MAN2A1: variants seen among roughly 807,000 people sequenced by gnomAD.
The protein encoded by MAN2A1 is alpha-mannosidase 2.
In MAN2A1, 76 loss-of-function variants were observed where a neutral mutation model predicts 142.6. The observed-to-expected ratio is 0.53, with a 90% CI of 0.44 to 0.65. The LOEUF (loss-of-function observed/expected upper bound fraction) is 0.65, where lower values mean the gene tolerates loss of function less well. Among genes scored for constraint, MAN2A1 ranks in the 30% least tolerant of loss-of-function variants. MAN2A1 has a pLI of 0.00. For synonymous variants in MAN2A1, 559 were observed against 473.2 expected, an observed-to-expected ratio of 1.18 and a Z score of -2.35; for missense variants, 1,311 against 1,365.1, an observed-to-expected ratio of 0.96 and a Z score of 0.62.
At position 109,847,821 on chromosome 5, in the gene MAN2A1, T is replaced by C. The variant is rs372804127; in HGVS notation, c.2976+31T>C. ...AAAAAATAACTAGCATGATCTGATA[T>C]TGATTGTTCTTTGTCACCCAAAACT... is the stretch of plus-strand genomic sequence containing the variant. On this transcript the variant is annotated intron_variant, in intron 19 of 21. Transcript: ENST00000261483. The C allele has an allele frequency of 3.0e-5, 43 of 1,414,216 alleles. No individual in the cohort carries two copies. The East Asian group carries it at 5.6e-4, about 18-fold the overall frequency. The allele number at this position is 1,414,216 out of a possible 1,614,324, so 87.6% of individuals were successfully genotyped here.
At chr5:109,698,741 G>A (rs1300594368) in intron 1 of MAN2A1, among the ~76,000 whole-genome samples, 6 of 152,254 alleles carry the variant, frequency 3.9e-5, no homozygotes, top group East Asian at 3.9e-4. Flanking sequence ...TGAGGAGTCC[G>A]GAGAGCTGGG....
intron 9 of MAN2A1, among the ~76,000 whole-genome samples, chr5:109,782,437 G>T (rs1582892123): frequency 6.6e-6 from 1 of 152,148 alleles, no homozygotes; most frequent in East Asian, 1.9e-4. Context: ...ATATTGGAGA[G>T]CATGGTCCTA....
At chr5:109,845,582 C>T (rs966969889) in intron 17 of MAN2A1, among the ~76,000 whole-genome samples, 3 of 152,078 alleles carry the variant, frequency 2.0e-5, no homozygotes, top group African/African-American at 7.2e-5. Flanking sequence ...TATTGGAGAG[C>T]TAGAAGACTT....
intron 16 of MAN2A1, chr5:109,840,425 C>T: frequency 2.2e-6 from 1 of 444,778 alleles, no homozygotes; most frequent in South Asian, 1.8e-5. Flanking sequence ...TGCATTTCTA[C>T]CAGGTTTCTG....
intron 4 of MAN2A1, among the ~76,000 whole-genome samples, chr5:109,741,184 G>T (rs951604250): frequency 3.9e-5 from 6 of 152,018 alleles, no homozygotes; most frequent in African/African-American, 1.4e-4. Flanking sequence ...GTATCATTTT[G>T]CTTGAAGGAA....
At chr5:109,725,975 ACT>A (rs754154741) in intron 3 of MAN2A1, among the ~76,000 whole-genome samples, 1 of 151,804 alleles carries the variant, frequency 6.6e-6, no homozygotes, top group African/African-American at 2.4e-5. Context: ...GTAATTATGC[ACT>A]CTTTGTTTTA....
chr5:109,852,038 G>A (rs527382172), intron 19 of MAN2A1, among the ~76,000 whole-genome samples: 20 of 151,482 alleles, frequency 1.3e-4, no homozygotes, highest in Admixed American at 1.1e-3. Flanking sequence ...CCTGCCCAGG[G>A]TGACACAGAT....
At chr5:109,757,994 G>C (rs760452973) in intron 5 of MAN2A1, among the ~76,000 whole-genome samples, 21 of 152,072 alleles carry the variant, frequency 1.4e-4, no homozygotes, top group Non-Finnish European at 2.5e-4. Flanking sequence ...GAATAATGCT[G>C]TTATACACAT....
chr5:109,752,788 A>C (rs724215), intron 4 of MAN2A1, among the ~76,000 whole-genome samples: 3 of 152,196 alleles, frequency 2.0e-5, no homozygotes, highest in African/African-American at 7.2e-5. Context: ...AATAGTCTTT[A>C]ACCTTTAAGT....
At chr5:109,864,523 A>G (rs1409328411) in intron 20 of MAN2A1, 3 of 152,450 alleles carry the variant, frequency 2.0e-5, no homozygotes, top group African/African-American at 7.2e-5. Context: ...AATAGCTCTG[A>G]TATAAAAATA....
intron 7 of MAN2A1, among the ~76,000 whole-genome samples, chr5:109,771,369 G>A (rs1271225602): frequency 2.0e-5 from 3 of 152,088 alleles, no homozygotes; most frequent in Non-Finnish European, 1.5e-5. Flanking sequence ...TTAAAAAAAA[G>A]TGTGTGAGGA....
intron 1 of MAN2A1, among the ~76,000 whole-genome samples, chr5:109,708,696 A>C (rs561232562): frequency 6.6e-6 from 1 of 152,296 alleles, no homozygotes; most frequent in African/African-American, 2.4e-5. Context: ...CAGAGAAGCC[A>C]ATAGTGGAGC....
At chr5:109,758,660 A>G (rs986614708) in intron 5 of MAN2A1, among the ~76,000 whole-genome samples, 13 of 148,920 alleles carry the variant, frequency 8.7e-5, no homozygotes, top group Non-Finnish European at 1.6e-4. Flanking sequence ...GATTAAATTA[A>G]CTAAATATTA....
chr5:109,729,831 A>G (rs999187886), intron 4 of MAN2A1, among the ~76,000 whole-genome samples: 2 of 152,126 alleles, frequency 1.3e-5, no homozygotes, highest in African/African-American at 4.8e-5. Context: ...TGTCTCTACT[A>G]AAAATACAAA....
chr5:109,833,155 G>A (rs1158552717), intron 16 of MAN2A1, among the ~76,000 whole-genome samples: 5 of 150,868 alleles, frequency 3.3e-5, no homozygotes, highest in Non-Finnish European at 7.4e-5. Context: ...AGGGGATGGC[G>A]GCTGGGAAGA....
chr5:109,814,077 G>A lies in MAN2A1; in HGVS notation c.1944-3196G>A, dbSNP rs114948045. 7.7e-3 allele frequency among the ~76,000 whole-genome samples: 1,174 copies of A among 152,266 alleles called. 18 individuals carry two copies. Among genetic ancestry groups the A allele is most frequent in the African/African-American group, 0.027 (1,101 of 41,538 alleles). On this transcript the variant is annotated intron_variant, in intron 12 of 21. Transcript: ENST00000261483. Reference sequence around the variant, plus strand: ...CACAGTGAGAACTAGGAGGCTGGACGTGACTTGGTGACAGATGATACGTAA... The same window carrying A: ...CACAGTGAGAACTAGGAGGCTGGACATGACTTGGTGACAGATGATACGTAA...
chr5:109,849,988 T>G (rs1170173680), intron 19 of MAN2A1, among the ~76,000 whole-genome samples: 1 of 152,218 alleles, frequency 6.6e-6, no homozygotes, highest in African/African-American at 2.4e-5. Context: ...TTAGAGACTC[T>G]TGGTGATAGT....
At chr5:109,792,990 A>C (rs112772283) in intron 12 of MAN2A1, among the ~76,000 whole-genome samples, 2,867 of 152,186 alleles carry the variant, frequency 0.019, 34 homozygotes, top group Middle Eastern at 0.075. Context: ...TTTTCATTAC[A>C]TTCTATTGGT....
At chr5:109,727,604 G>C (rs1472062418) in intron 3 of MAN2A1, among the ~76,000 whole-genome samples, 1 of 152,170 alleles carries the variant, frequency 6.6e-6, no homozygotes, top group Non-Finnish European at 1.5e-5. Flanking sequence ...GTTTATATAA[G>C]TGTTTTAATT....
Sources: gnomAD v4.1 joint callset for allele counts (sites outside exome capture counted in the v4.1 genomes callset) on GRCh38, gnomAD v4.1.1 for gene constraint, MANE v1.5 for transcripts, NCBI Gene and HGNC (gene_info 2026-07-23, HGNC 2026-07-21) for gene names.